DPP6: variants seen among roughly 807,000 people sequenced by gnomAD.
DPP6 encodes the protein A-type potassium channel modulatory protein DPP6.
A neutral mutation model predicts 122.6 loss-of-function variants in DPP6; 69 were observed. The ratio of observed to expected loss-of-function variants is 0.56; its 90% CI spans 0.46 to 0.69. The LOEUF (loss-of-function observed/expected upper bound fraction) is 0.69. Among genes scored for constraint, DPP6 ranks in the 30% least tolerant of loss-of-function variants. The pLI is 0.00. For missense variants in DPP6, 928 were observed against 1,116.9 expected (o/e 0.83, Z 2.41); for synonymous variants, 418 against 433.1 (o/e 0.97, Z 0.43).
intron 1 of DPP6, among the ~76,000 whole-genome samples, chr7:154,297,772 G>A (rs1260900375): frequency 6.6e-6 from 1 of 152,168 alleles, no homozygotes; most frequent in African/African-American, 2.4e-5. Context: ...CTCCCACGAA[G>A]GGTTTGGTCT....
At chr7:154,253,528 C>T (rs534726797) in intron 1 of DPP6, among the ~76,000 whole-genome samples, 2 of 152,312 alleles carry the variant, frequency 1.3e-5, no homozygotes, top group East Asian at 3.9e-4. Context: ...TTAGAAATGA[C>T]TTGACTAGAC....
intron 5 of DPP6, among the ~76,000 whole-genome samples, chr7:154,596,513 G>A (rs1314829402): frequency 1.3e-5 from 2 of 152,174 alleles, no homozygotes; most frequent in Non-Finnish European, 2.9e-5. Flanking sequence ...ATATTAAGGT[G>A]TTAAGACAAT....
At chr7:154,540,760 G>A (rs975229583) in intron 4 of DPP6, 134 bp downstream of exon 4, 6 of 576,144 alleles carry the variant, frequency 1.0e-5, no homozygotes, top group Non-Finnish European at 1.5e-5. Flanking sequence ...TACAGGCTGA[G>A]CAACCAAAGA....
At chr7:154,715,957 C>T (rs377264723) in intron 7 of DPP6, among the ~76,000 whole-genome samples, 12 of 152,116 alleles carry the variant, frequency 7.9e-5, no homozygotes, top group South Asian at 2.1e-4. Context: ...CTTAGTAACC[C>T]GTACATTCTG....
At chr7:153,875,067 T>C in the DPP6 span, among the ~76,000 whole-genome samples, 17 of 152,228 alleles carry the variant, frequency 1.1e-4, 1 homozygote, top group Admixed American at 9.8e-4. Flanking sequence ...CCTAAGGATA[T>C]CATAATAAAA....
chr7:154,405,453 T>C (rs750383213), intron 1 of DPP6, among the ~76,000 whole-genome samples: 5 of 152,212 alleles, frequency 3.3e-5, no homozygotes, highest in Non-Finnish European at 5.9e-5. Context: ...AAGTATTACA[T>C]ATTCCTTTAG....
intron 1 of DPP6, among the ~76,000 whole-genome samples, chr7:154,057,097 A>G (rs183297958): frequency 2.0e-5 from 3 of 152,360 alleles, no homozygotes; most frequent in Admixed American, 1.3e-4. Flanking sequence ...AGTGGGAGCC[A>G]TGAGGCCAGG....
At chr7:154,185,013 T>C (rs1226760490) in intron 1 of DPP6, among the ~76,000 whole-genome samples, 1 of 152,244 alleles carries the variant, frequency 6.6e-6, no homozygotes, top group Non-Finnish European at 1.5e-5. Context: ...TGATGGCTAA[T>C]AGATAGAATT....
At chr7:154,855,506 C>G (rs572603433) in intron 17 of DPP6, among the ~76,000 whole-genome samples, 1 of 152,328 alleles carries the variant, frequency 6.6e-6, no homozygotes, top group African/African-American at 2.4e-5. Flanking sequence ...GCCTCACCTG[C>G]GAGGTTTGGG....
chr7:154,737,427 A>C (rs989784625), intron 8 of DPP6, among the ~76,000 whole-genome samples: 8 of 152,198 alleles, frequency 5.3e-5, no homozygotes, highest in African/African-American at 1.9e-4. Context: ...ACACCATGCA[A>C]AGCCTATGTA....
intron 1 of DPP6, among the ~76,000 whole-genome samples, chr7:154,264,063 A>G (rs532461252): frequency 7.2e-5 from 11 of 152,272 alleles, no homozygotes; most frequent in African/African-American, 2.4e-4. Flanking sequence ...AATAACTTAC[A>G]TGGCCAACTA....
chr7:154,740,618 A>G (rs1842774471), intron 8 of DPP6, among the ~76,000 whole-genome samples: 1 of 152,194 alleles, frequency 6.6e-6, no homozygotes, highest in Admixed American at 6.5e-5. Flanking sequence ...TGCCATAAGC[A>G]CACAGCGTTG....
chr7:154,062,041 C>T (rs1231072983), intron 1 of DPP6, among the ~76,000 whole-genome samples: 23 of 108,436 alleles, frequency 2.1e-4, no homozygotes, highest in South Asian at 3.9e-4. Flanking sequence ...CCCCGCGAGG[C>T]AGGGACTGAC....
chr7:154,082,396 A>T (rs1267835082), intron 1 of DPP6, among the ~76,000 whole-genome samples: 1 of 152,164 alleles, frequency 6.6e-6, no homozygotes, highest in Admixed American at 6.5e-5. Context: ...CCAGGGTCAA[A>T]CACTGAACTT....
chr7:154,436,671 C>T (rs945476763), intron 1 of DPP6, among the ~76,000 whole-genome samples: 1 of 152,152 alleles, frequency 6.6e-6, no homozygotes, highest in East Asian at 1.9e-4. Flanking sequence ...TGAGTGTAAC[C>T]TGAATTTCCT....
chr7:154,167,849 A>C (rs536391651), intron 1 of DPP6, among the ~76,000 whole-genome samples: 2 of 152,228 alleles, frequency 1.3e-5, no homozygotes, highest in Non-Finnish European at 2.9e-5. Context: ...TTTAATCCCT[A>C]CAAAATGTCA....
the DPP6 span, among the ~76,000 whole-genome samples, chr7:153,787,103 G>C: frequency 2.8e-5 from 4 of 141,996 alleles, no homozygotes; most frequent in South Asian, 2.4e-4. Context: ...AGGTGCCCAC[G>C]ACCACGCCCG....
At chr7:154,095,589 C>T (rs1247404754) in intron 1 of DPP6, 1 of 125,778 alleles carries the variant, frequency 8.0e-6, no homozygotes, top group Non-Finnish European at 1.7e-5. Context: ...GCAGCTGGGC[C>T]TTCACCTGGT....
chr7:154,428,810 G>T (rs1159357661), intron 1 of DPP6, among the ~76,000 whole-genome samples: 1 of 152,140 alleles, frequency 6.6e-6, no homozygotes, highest in Non-Finnish European at 1.5e-5. Flanking sequence ...GGTATGCAAG[G>T]CATACAGAGT....
Sources: allele counts gnomAD v4.1 joint callset (sites outside exome capture counted in the v4.1 genomes callset), GRCh38; gene constraint gnomAD v4.1.1; transcripts MANE v1.5; gene names NCBI Gene and HGNC (gene_info 2026-07-23, HGNC 2026-07-21).